The following THUMPD3 variants were observed in gnomAD, a reference collection of about 807,000 sequenced individuals.
The protein encoded by THUMPD3 is tRNA (guanine(6)-N(2))-methyltransferase THUMP3.
A neutral mutation model predicts 54.5 loss-of-function variants in THUMPD3; 44 were observed. The observed-to-expected ratio is 0.81, with a 90% CI of 0.63 to 1.04. The LOEUF (loss-of-function observed/expected upper bound fraction) is 1.04, where lower values mean the gene tolerates loss of function less well. THUMPD3 is among the 50% of genes least tolerant of loss of function. The pLI is 0.00. For missense variants in THUMPD3, 604 were observed against 601.3 expected (o/e 1.00, Z -0.05); for synonymous variants, 196 against 201.4 (o/e 0.97, Z 0.23).
intron 3 of THUMPD3, among the ~76,000 whole-genome samples, chr3:9,368,079 G>C (rs2031708939): frequency 6.6e-6 from 1 of 151,916 alleles, no homozygotes; most frequent in African/African-American, 2.4e-5. Context: ...AAAAAAGTCA[G>C]ACTGAAAATA....
intron 3 of THUMPD3, among the ~76,000 whole-genome samples, chr3:9,370,669 C>G (rs2031959786): frequency 6.6e-6 from 1 of 152,210 alleles, no homozygotes; most frequent in Non-Finnish European, 1.5e-5. Flanking sequence ...TGGTCTCAAA[C>G]TCCTAAGTTC....
intron 3 of THUMPD3, 110 bp from the exon 4 acceptor site, chr3:9,370,950 C>T: frequency 1.1e-6 from 1 of 936,548 alleles, no homozygotes; most frequent in African/African-American, 1.7e-5. Flanking sequence ...TTTGGCGGTC[C>T]TGGAACCAGT....
chr3:9,371,844 C>A (rs548632399), intron 4 of THUMPD3, among the ~76,000 whole-genome samples: 1 of 152,252 alleles, frequency 6.6e-6, no homozygotes, highest in South Asian at 2.1e-4. Flanking sequence ...ACTAAGTGCT[C>A]CATAGATGGA....
At chr3:9,377,216 G>A (rs1477527368) in intron 5 of THUMPD3, among the ~76,000 whole-genome samples, 2 of 152,112 alleles carry the variant, frequency 1.3e-5, no homozygotes, top group Non-Finnish European at 2.9e-5. Context: ...GTGTGTGTGT[G>A]TGTGTGTACA....
chr3:9,384,121 C>T, intron 8 of THUMPD3, 91 bp from the exon 9 acceptor site: 1 of 1,391,626 alleles, frequency 7.2e-7, no homozygotes, highest in Non-Finnish European at 9.8e-7. Flanking sequence ...ATTTTTCATG[C>T]CTCAGGATGC....
Position 9,371,428 on chromosome 3 carries a change from G to C in THUMPD3, c.699G>C (p.Arg233Ser), listed in dbSNP as rs781049237. 4.2e-5 allele frequency: 67 copies of C among 1,614,008 alleles called. No homozygotes were observed. Among genetic ancestry groups the C allele is most frequent in the Non-Finnish European group, 5.4e-5 (64 of 1,180,028 alleles). ...QVLKFRVTCNRAGEKHCFTSN... is the reference protein window; with the variant it reads ...QVLKFRVTCNSAGEKHCFTSN... The stretch of plus-strand genomic sequence containing the variant: ...TGAAGTTTAGAGTCACATGCAACAG[G>C]GCAGGAGAGAAACATTGCTTTACCT... Residue 233 changes from arginine to serine, a missense_variant, in exon 4 of 10, where the codon AGG (arginine) becomes AGC (serine). Coordinates refer to ENST00000452837, the MANE Select transcript of THUMPD3 (RefSeq NM_001114092.2).
At chr3:9,368,928 G>A (rs1191634864) in intron 3 of THUMPD3, among the ~76,000 whole-genome samples, 2 of 152,052 alleles carry the variant, frequency 1.3e-5, no homozygotes, top group East Asian at 1.9e-4. Context: ...ACTTTTCTGC[G>A]CTATGCTTTT....
At chr3:9,367,025 T>G (rs538286795) in intron 3 of THUMPD3, 40 bp downstream of exon 3, 1 of 1,471,262 alleles carries the variant, frequency 6.8e-7, no homozygotes, top group Admixed American at 1.8e-5. Context: ...TTTGGCTGTC[T>G]TCCACAAAGA....
intron 8 of THUMPD3, 38 bp from the exon 9 acceptor site, chr3:9,384,174 T>C (rs2033150498): frequency 6.2e-7 from 1 of 1,603,604 alleles, no homozygotes; most frequent in Admixed American, 1.7e-5. Context: ...ATTTTGTATC[T>C]TTTGCAAGTG....
chr3:9,369,401 G>A (rs922057916), intron 3 of THUMPD3, among the ~76,000 whole-genome samples: 2 of 150,256 alleles, frequency 1.3e-5, no homozygotes, highest in South Asian at 2.1e-4. Context: ...TCATATATAC[G>A]TTATACGTAT....
intron 5 of THUMPD3, among the ~76,000 whole-genome samples, chr3:9,375,653 G>A (rs2728935): frequency 0.095 from 14,508 of 152,214 alleles, 1,066 homozygotes; most frequent in East Asian, 0.35. Context: ...CTTAATGACA[G>A]GGATACATTC....
At chr3:9,371,591 A>C in intron 4 of THUMPD3, 55 bp downstream of exon 4, 1 of 1,417,034 alleles carries the variant, frequency 7.1e-7, no homozygotes, top group Non-Finnish European at 9.7e-7. Context: ...GATTTGTAGA[A>C]TTTCCAGACT....
chr3:9,386,182 A>G lies in THUMPD3; in HGVS notation c.*1494A>G, dbSNP rs1430322946. ...CCCCACACTTCATAATGAATGGGAA[A>G]TAAGATGTTTATGAAGGTTTTATAT... On this transcript the variant is annotated 3_prime_UTR_variant, in exon 10 of 10. Coordinates refer to ENST00000452837, the MANE Select transcript of THUMPD3 (RefSeq NM_001114092.2). 2 of 152,214 alleles carry G rather than the reference A, an allele frequency of 1.3e-5. No individual in the cohort carries two copies. Among genetic ancestry groups the G allele is most frequent in the African/African-American group, 2.4e-5 (1 of 41,448 alleles). The allele number at this position is 152,214 out of a possible 1,614,324, so 9.4% of individuals were successfully genotyped here.
At position 9,365,237 on chromosome 3, in the gene THUMPD3, A is replaced by C. The variant is rs900979896; in HGVS notation, c.169A>C (p.Arg57=). The change falls in exon 2 of 10, where the codon AGA becomes CGA. Residue 57 remains arginine (R), a synonymous_variant. Transcript: ENST00000452837. ...GFEQTAADEV[R]EKLGSSCKIS... ...TGAGCAAACAGCTGCAGATGAAGTC[A>C]GAGAGAAACTTGGGTCATCATGCAA... 13 of 1,614,274 alleles carry C rather than the reference A, an allele frequency of 8.1e-6. No homozygotes were observed. Among genetic ancestry groups the C allele is most frequent in the Non-Finnish European group, 1.1e-5 (13 of 1,180,046 alleles).
At chr3:9,381,523 C>T (rs920621355) in intron 7 of THUMPD3, among the ~76,000 whole-genome samples, 3 of 151,776 alleles carry the variant, frequency 2.0e-5, no homozygotes, top group African/African-American at 4.8e-5. Flanking sequence ...AATCCTTTTA[C>T]GTGTATTAAG....
At chr3:9,367,012 AT>A (rs1191645376) in intron 3 of THUMPD3, 27 bp downstream of exon 3, 3 of 1,567,088 alleles carry the variant, frequency 1.9e-6, no homozygotes, top group Non-Finnish European at 2.6e-6. Context: ...ATGGTGGCTG[AT>A]TTTTGGCTGT....
intron 7 of THUMPD3, among the ~76,000 whole-genome samples, chr3:9,381,265 G>A (rs566541986): frequency 1.5e-4 from 23 of 152,130 alleles, no homozygotes; most frequent in Admixed American, 6.5e-4. Context: ...AAATTCCATC[G>A]TATAGAAATA....
chr3:9,371,961 C>G (rs561463958), intron 4 of THUMPD3, among the ~76,000 whole-genome samples: 4 of 152,326 alleles, frequency 2.6e-5, no homozygotes, highest in Non-Finnish European at 4.4e-5. Context: ...ACTGCAGCCT[C>G]CACCTTCCTG....
intron 7 of THUMPD3, chr3:9,380,920 T>A (rs2032837774): frequency 4.8e-6 from 1 of 208,228 alleles, no homozygotes; most frequent in African/African-American, 2.4e-5. Context: ...TTAAACAGTA[T>A]ATTTTTACAT....
Sources: gnomAD v4.1 joint callset for allele counts (sites outside exome capture counted in the v4.1 genomes callset) on GRCh38, gnomAD v4.1.1 for gene constraint, MANE v1.5 for transcripts, NCBI Gene and HGNC (gene_info 2026-07-23, HGNC 2026-07-21) for gene names.